The following NLRP3 variants were observed in gnomAD, a reference collection of about 807,000 sequenced individuals.
NLRP3 encodes the protein NACHT, LRR and PYD domains-containing protein 3.
A neutral mutation model predicts 91.3 loss-of-function variants in NLRP3; 48 were observed. That is an observed-to-expected ratio of 0.53 (90% CI 0.42 to 0.67). NLRP3 has a LOEUF of 0.67. Ranked by LOEUF, NLRP3 falls within the 30% of genes least tolerant of loss-of-function variation. The pLI is 0.00. For missense variants in NLRP3, 982 were observed against 1,276.9 expected, an observed-to-expected ratio of 0.77 and a Z score of 3.52; for synonymous variants, 561 against 507.9, an observed-to-expected ratio of 1.10 and a Z score of -1.41.
Position 247,424,338 on chromosome 1 carries a change from T to A in NLRP3, c.889T>A (p.Phe297Ile). The A allele has an allele frequency of 6.2e-7, 1 of 1,611,040 alleles. No homozygotes were observed. The highest frequency in any genetic ancestry group is 1.1e-5 in the South Asian group (1 of 90,980). ...CGTGAGAAAACCCTCCAGAATCCTC[T>A]TCCTCATGGACGGCTTCGATGAGCT... ...KIVRKPSRIL[F>I]LMDGFDELQG... The change falls in exon 4 of 10, where the codon TTC becomes ATC. Residue 297 changes from phenylalanine (F) to isoleucine (I), a missense_variant. Transcript: ENST00000336119. The surrounding 1 kb of genome is among the most constrained non-coding windows in gnomAD (Gnocchi z 8.1).
intron 2 of NLRP3, among the ~76,000 whole-genome samples, chr1:247,422,205 C>A (rs1232700330): frequency 1.3e-5 from 2 of 151,806 alleles, no homozygotes; most frequent in African/African-American, 2.4e-5. Flanking sequence ...ATAGTGAGAA[C>A]CTGTCTCTAC....
rs766840708 is a variant in NLRP3, at chr1:247,434,145, C to A, written c.2364C>A (p.Ile788=). 5.9e-5 allele frequency: 95 copies of A among 1,611,430 alleles called. No homozygotes were observed. In the Admixed American group the frequency reaches 1.5e-3, roughly 26 times the overall value. The change falls in exon 6 of 10, where the codon ATC becomes ATA. Residue 788 remains isoleucine, a synonymous_variant. Coordinates refer to ENST00000336119, the MANE Select transcript of NLRP3 (RefSeq NM_001243133.2). ...CGLSHECCFD[I]SLVLSSNQKL... is the part of the protein sequence containing the mutation. Reference sequence around the variant, plus strand: ...TCTCGCATGAGTGCTGCTTCGACATCTCCTTGGTCCTCAGCAGCAACCAGA... The same window carrying A: ...TCTCGCATGAGTGCTGCTTCGACATATCCTTGGTCCTCAGCAGCAACCAGA...
Position 247,428,815 on chromosome 1 carries a change from T to A in NLRP3, c.2151-770T>A, listed in dbSNP as rs533992023. ...AGCTTGGGTTTCATCTGAAAAAAAATTTAAAAAATTCATCTAGTTCCACCT... is the reference window on the plus strand; with the variant it reads ...AGCTTGGGTTTCATCTGAAAAAAAAATTAAAAAATTCATCTAGTTCCACCT... On this transcript the variant is annotated intron_variant, in intron 4 of 9. Coordinates refer to ENST00000336119, the MANE Select transcript of NLRP3 (RefSeq NM_001243133.2). Among the ~76,000 whole-genome samples the A allele has an allele frequency of 3.9e-4, 59 of 152,116 alleles. 1 individual carries two copies. In the East Asian group the frequency reaches 0.011, roughly 28 times the overall value.
intron 5 of NLRP3, among the ~76,000 whole-genome samples, chr1:247,432,396 G>A (rs1663402376): frequency 6.6e-6 from 1 of 152,164 alleles, no homozygotes; most frequent in South Asian, 2.1e-4. Flanking sequence ...ATGGCCTCCA[G>A]TTCCATCTGT....
intron 7 of NLRP3, among the ~76,000 whole-genome samples, chr1:247,438,584 A>G (rs56015600): frequency 0.59 from 88,922 of 151,882 alleles, 26,314 homozygotes; most frequent in Non-Finnish European, 0.62. Flanking sequence ...GGGTTTCACC[A>G]TGTTTGCCAG....
At position 247,424,933 on chromosome 1, in the gene NLRP3, C is replaced by G; in HGVS notation, c.1484C>G (p.Ala495Gly). 2 of 1,613,558 alleles carry G rather than the reference C, an allele frequency of 1.2e-6. No homozygotes were observed. The highest frequency in any genetic ancestry group is 1.1e-5 in the South Asian group (1 of 91,074). ...CTCAGGAATCATGGACTGCAGAAGGCGGATGTGTCTGCTTTCCTGAGGATG... is the reference window on the plus strand; with the variant it reads ...CTCAGGAATCATGGACTGCAGAAGGGGGATGTGTCTGCTTTCCTGAGGATG... Reference protein sequence around the residue: ...SDLRNHGLQKADVSAFLRMNL... With the variant: ...SDLRNHGLQKGDVSAFLRMNL... Residue 495 changes from alanine to glycine, a missense_variant, in exon 4 of 10, where the codon GCG becomes GGG. By Grantham distance (60) the Ala-to-Gly change is moderately conservative. Coordinates refer to ENST00000336119, the MANE Select transcript of NLRP3 (RefSeq NM_001243133.2). This position sits in a 1 kb window ranked among gnomAD's most constrained non-coding sequence, Gnocchi z 8.1.
rs1270513720 is a variant in NLRP3 at position 247,436,010 on chromosome 1, C to T, written c.2533C>T (p.Leu845Phe). The change falls in exon 7 of 10, where the codon CTT becomes TTT. Residue 845 changes from leucine to phenylalanine, a missense_variant. Leu to Phe is a conservative substitution (Grantham distance 22). Around this residue, in one of 5 missense-constraint regions of NLRP3, gnomAD observed 373 missense variants for 431.5 expected, o/e 0.86. Transcript: ENST00000336119. ...CCLTSACCQD[L>F]ASVLSTSHSL... ...CCTCACATCAGCATGTTGTCAGGAT[C>T]TTGCATCAGTATTGAGCACCAGCCA... The T allele has an allele frequency of 1.2e-6, 2 of 1,614,134 alleles. No individual in the cohort carries two copies. Among genetic ancestry groups the T allele is most frequent in the Non-Finnish European group, 1.7e-6 (2 of 1,180,022 alleles).
intron 7 of NLRP3, among the ~76,000 whole-genome samples, chr1:247,441,169 TTC>T (rs773140963): frequency 5.7e-5 from 8 of 140,492 alleles, no homozygotes; most frequent in East Asian, 2.1e-4. Context: ...CTTTCTTTCT[TTC>T]TCTTTCTCCC....
intron 3 of NLRP3, 68 bp from the exon 4 acceptor site, chr1:247,423,779 C>A (rs1662644246): frequency 7.9e-6 from 11 of 1,397,772 alleles, no homozygotes; most frequent in Non-Finnish European, 1.1e-5. Flanking sequence ...GATGACAGGC[C>A]CCAGCTGAGA....
intron 8 of NLRP3, 59 bp downstream of exon 8, chr1:247,444,201 G>A (rs1458915643): frequency 1.7e-5 from 26 of 1,553,076 alleles, no homozygotes; most frequent in Admixed American, 3.3e-5. Context: ...GTGGAGGGAC[G>A]TTTAGGCAGA....
At position 247,436,131 on chromosome 1, in the gene NLRP3, A is replaced by G. The variant is rs1162852496; in HGVS notation, c.2654A>G (p.Gln885Arg). Residue 885 changes from glutamine to arginine, a missense_variant, in exon 7 of 10, where the codon CAG (glutamine) becomes CGG (arginine). Around this residue, in one of 5 missense-constraint regions of NLRP3, gnomAD observed 373 missense variants for 431.5 expected, o/e 0.86. Coordinates refer to ENST00000336119, the MANE Select transcript of NLRP3 (RefSeq NM_001243133.2). ...GCCAAGAATCCACAGTGTAACCTGC[A>G]GAAACTGGGGTAAGTCTTCATGGGT... Reference protein sequence around the residue: ...EKAKNPQCNLQKLGLVNSGLT... With the variant: ...EKAKNPQCNLRKLGLVNSGLT... 1 of 1,614,186 alleles carries G rather than the reference A, an allele frequency of 6.2e-7. No homozygotes were observed. The highest frequency in any genetic ancestry group is 8.5e-7 in the Non-Finnish European group (1 of 1,180,020).
chr1:247,424,921 G>A lies in NLRP3; in HGVS notation c.1472G>A (p.Gly491Glu). ...LFEESDLRNH[G>E]LQKADVSAFL... Reference sequence around the variant, plus strand: ...GAGGAGTCCGACCTCAGGAATCATGGACTGCAGAAGGCGGATGTGTCTGCT... The same window carrying A: ...GAGGAGTCCGACCTCAGGAATCATGAACTGCAGAAGGCGGATGTGTCTGCT... The change falls in exon 4 of 10, where the codon GGA becomes GAA. Residue 491 changes from glycine to glutamate, a missense_variant. Gly to Glu is a moderately conservative substitution (Grantham distance 98). Around this residue, in one of 5 missense-constraint regions of NLRP3, gnomAD observed 548 missense variants for 713.7 expected, o/e 0.77. Transcript: ENST00000336119. This position sits in a 1 kb window ranked among gnomAD's most constrained non-coding sequence, Gnocchi z 8.1. The A allele has an allele frequency of 6.2e-7, 1 of 1,613,076 alleles. No homozygotes were observed. Among genetic ancestry groups the A allele is most frequent in the Middle Eastern group, 1.6e-4 (1 of 6,062 alleles).
chr1:247,440,370 G>A (rs758876298), intron 7 of NLRP3, among the ~76,000 whole-genome samples: 4 of 152,208 alleles, frequency 2.6e-5, no homozygotes, highest in East Asian at 3.9e-4. Context: ...AACGGGGGAC[G>A]GTCCTAAATG....
At chr1:247,447,019 C>A (rs1664626119) in intron 9 of NLRP3, among the ~76,000 whole-genome samples, 1 of 152,162 alleles carries the variant, frequency 6.6e-6, no homozygotes, top group South Asian at 2.1e-4. Flanking sequence ...ACTGACCTAG[C>A]CCTGAGGGAC....
chr1:247,424,694 C>T lies in NLRP3; in HGVS notation c.1245C>T (p.Ile415=), dbSNP rs139852370. 8.2e-5 allele frequency: 132 copies of T among 1,614,224 alleles called. No individual in the cohort carries two copies. The African/African-American group carries it at 1.3e-3, about 16-fold the overall frequency. ...TMCFIPLVCW[I]VCTGLKQQME... The stretch of plus-strand genomic sequence containing the variant: ...GCTTCATCCCCCTGGTCTGCTGGAT[C>T]GTGTGCACTGGACTGAAACAGCAGA... Residue 415 remains isoleucine (I), a synonymous_variant, in exon 4 of 10, where the codon ATC becomes ATT. Coordinates refer to ENST00000336119, the MANE Select transcript of NLRP3 (RefSeq NM_001243133.2). The surrounding 1 kb of genome is among the most constrained non-coding windows in gnomAD (Gnocchi z 8.1).
At chr1:247,420,659 G>A (rs964678627) in intron 2 of NLRP3, among the ~76,000 whole-genome samples, 1 of 152,210 alleles carries the variant, frequency 6.6e-6, no homozygotes, top group Admixed American at 6.5e-5. Context: ...GGAGGTTGCA[G>A]TGAGCTGAGA....
At chr1:247,440,208 C>G (rs549527660) in intron 7 of NLRP3, among the ~76,000 whole-genome samples, 42 of 152,286 alleles carry the variant, frequency 2.8e-4, no homozygotes, top group African/African-American at 9.9e-4. Context: ...CTGCCTGTCT[C>G]AATACTGCTC....
In NLRP3 at chr1:247,423,198, C is replaced by T. The variant is rs550829188; in HGVS notation, c.278-32C>T. On this transcript the variant is annotated intron_variant, in intron 2 of 9. Transcript: ENST00000336119. ...AATTGCATCCTCTGTGATAATAGTTCTGGGTTTTGACACCTTTTTTTTCCC... is the reference window on the plus strand; with the variant it reads ...AATTGCATCCTCTGTGATAATAGTTTTGGGTTTTGACACCTTTTTTTTCCC... 3 of 1,613,650 alleles carry T rather than the reference C, an allele frequency of 1.9e-6. No homozygotes were observed. In the South Asian group the frequency reaches 3.3e-5, roughly 18 times the overall value.
At chr1:247,435,616 GA>G (rs1302165376) in intron 6 of NLRP3, among the ~76,000 whole-genome samples, 1 of 152,214 alleles carries the variant, frequency 6.6e-6, no homozygotes, top group African/African-American at 2.4e-5. Flanking sequence ...TCTGCAAGAT[GA>G]AAGGAGTTCT....
Sources: gnomAD v4.1 joint callset for allele counts (sites outside exome capture counted in the v4.1 genomes callset) on GRCh38, gnomAD v4.1.1 for gene constraint, gnomAD v4.1.1 regional missense constraint, Gnocchi (gnomAD v3.1) non-coding constraint, MANE v1.5 for transcripts, NCBI Gene and HGNC (gene_info 2026-07-23, HGNC 2026-07-21) for gene names.